PTPRM: variants seen among roughly 807,000 people sequenced by gnomAD.
The protein encoded by PTPRM is protein tyrosine phosphatase receptor type M, also known as receptor-type tyrosine-protein phosphatase mu.
PTPRM carries 47 observed loss-of-function variants against 186.7 expected under a neutral mutation model. The observed-to-expected ratio is 0.25, with a 90% CI of 0.20 to 0.32. The LOEUF (loss-of-function observed/expected upper bound fraction) is 0.32, where lower values mean the gene tolerates loss of function less well. Among genes scored for constraint, PTPRM ranks in the 10% least tolerant of loss-of-function variants. The pLI, the probability that PTPRM is intolerant of heterozygous loss-of-function variation, is 1.00. For missense variants in PTPRM, 1,494 were observed against 1,865.0 expected, an observed-to-expected ratio of 0.80 and a Z score of 3.66; for synonymous variants, 668 against 674.9, an observed-to-expected ratio of 0.99 and a Z score of 0.16.
At chr18:7,855,195 T>C (rs190514283) in intron 2 of PTPRM, among the ~76,000 whole-genome samples, 5 of 152,266 alleles carry the variant, frequency 3.3e-5, no homozygotes, top group African/African-American at 7.2e-5. Flanking sequence ...ACATTGTTAT[T>C]ATTAGAATGC....
chr18:7,788,168 A>G (rs1027083728), intron 2 of PTPRM, among the ~76,000 whole-genome samples: 2 of 152,222 alleles, frequency 1.3e-5, no homozygotes, highest in African/African-American at 4.8e-5. Flanking sequence ...AAGCATTGCA[A>G]AAGACTATCC....
intron 2 of PTPRM, among the ~76,000 whole-genome samples, chr18:7,853,829 TA>T: frequency 6.6e-6 from 1 of 152,338 alleles, no homozygotes; most frequent in African/African-American, 2.4e-5. Context: ...CAGTTTTTTC[TA>T]ATCAGGTTTA....
intron 32 of PTPRM, chr18:8,405,096 G>A (rs1166385887): frequency 6.6e-6 from 1 of 151,596 alleles, no homozygotes; most frequent in African/African-American, 2.4e-5. Context: ...CCAAGAGTTC[G>A]AGGCTGTGTT....
At chr18:7,615,096 A>G (rs2037770376) in intron 1 of PTPRM, among the ~76,000 whole-genome samples, 1 of 152,012 alleles carries the variant, frequency 6.6e-6, no homozygotes, top group Non-Finnish European at 1.5e-5. Context: ...GAGAATTTTT[A>G]GGAAGGTTCT....
chr18:7,843,376 A>G (rs1053246408), intron 2 of PTPRM, among the ~76,000 whole-genome samples: 2 of 152,174 alleles, frequency 1.3e-5, no homozygotes, highest in African/African-American at 2.4e-5. Flanking sequence ...TTGTATCACT[A>G]TTACAGGGGA....
At chr18:7,733,830 C>A (rs2040711985) in intron 1 of PTPRM, among the ~76,000 whole-genome samples, 3 of 152,204 alleles carry the variant, frequency 2.0e-5, no homozygotes. Flanking sequence ...TCCCCCAGTG[C>A]ATGTGGGCCT....
intron 9 of PTPRM, 114 bp downstream of exon 9, chr18:8,076,678 T>C: frequency 5.3e-6 from 3 of 566,806 alleles, no homozygotes; most frequent in Middle Eastern, 4.5e-4. Flanking sequence ...AGAAGTTTAA[T>C]GCTTTCAGTA....
chr18:8,293,532 C>CA (rs71165779), intron 19 of PTPRM, among the ~76,000 whole-genome samples: 44,756 of 152,010 alleles, frequency 0.29, 7,297 homozygotes, highest in Middle Eastern at 0.4. Context: ...CATCTTCCTA[C>CA]AAAAAACAAA....
At chr18:7,884,579 C>T (rs879277926) in intron 2 of PTPRM, among the ~76,000 whole-genome samples, 5 of 152,034 alleles carry the variant, frequency 3.3e-5, no homozygotes, top group African/African-American at 7.2e-5. Flanking sequence ...AAGCCCTGCC[C>T]CTGCACTTGA....
At chr18:7,587,758 A>C (rs544814415) in intron 1 of PTPRM, among the ~76,000 whole-genome samples, 12 of 152,292 alleles carry the variant, frequency 7.9e-5, no homozygotes, top group Admixed American at 4.6e-4. Flanking sequence ...ACCCAAACCC[A>C]CATATGTATA....
At chr18:8,108,620 A>G (rs906315307) in intron 11 of PTPRM, among the ~76,000 whole-genome samples, 1 of 152,228 alleles carries the variant, frequency 6.6e-6, no homozygotes, top group African/African-American at 2.4e-5. Context: ...AGTAGATGAA[A>G]GATGTTCAGA....
At position 8,151,065 on chromosome 18, in the gene PTPRM, G is replaced by A. The variant is rs371325629; in HGVS notation, c.2300+7286G>A. 3.8e-3 allele frequency among the ~76,000 whole-genome samples: 574 copies of A among 152,182 alleles called. 4 individuals are homozygous for A. Among genetic ancestry groups the A allele is most frequent in the African/African-American group, 0.013 (530 of 41,518 alleles). ...AGCTCTCCTGTATGAGGTGTCTGTC[G>A]GCCCCTACTGGGAGGTGTCTCCTAG... On this transcript the variant is annotated intron_variant, in intron 14 of 32. Coordinates refer to ENST00000580170, the MANE Select transcript of PTPRM (RefSeq NM_001105244.2).
chr18:8,187,191 C>T (rs188358710), intron 14 of PTPRM, among the ~76,000 whole-genome samples: 6 of 152,276 alleles, frequency 3.9e-5, no homozygotes, highest in African/African-American at 9.6e-5. Context: ...CCACCCTCCT[C>T]GGCCTTTCAA....
chr18:8,177,075 G>T (rs1448835802), intron 14 of PTPRM, among the ~76,000 whole-genome samples: 4 of 152,038 alleles, frequency 2.6e-5, no homozygotes, highest in African/African-American at 9.7e-5. Flanking sequence ...CTGCCTTTCT[G>T]AGGGGATGTG....
intron 7 of PTPRM, among the ~76,000 whole-genome samples, chr18:8,056,876 G>A (rs911842321): frequency 6.6e-6 from 1 of 151,938 alleles, no homozygotes; most frequent in African/African-American, 2.4e-5. Context: ...CATGCACTAA[G>A]GGAAACTGGC....
chr18:8,257,032 G>A (rs1013894447), intron 19 of PTPRM, among the ~76,000 whole-genome samples: 12 of 152,216 alleles, frequency 7.9e-5, no homozygotes, highest in African/African-American at 2.9e-4. Context: ...TGGGGAAGCT[G>A]ACAGGGCAGG....
At chr18:7,609,751 G>C (rs1242861629) in intron 1 of PTPRM, among the ~76,000 whole-genome samples, 1 of 152,066 alleles carries the variant, frequency 6.6e-6, no homozygotes, top group Non-Finnish European at 1.5e-5. Flanking sequence ...TCTGATTACT[G>C]CCCAGGGATG....
At chr18:7,953,299 C>G (rs202011220) in intron 6 of PTPRM, among the ~76,000 whole-genome samples, 1 of 152,230 alleles carries the variant, frequency 6.6e-6, no homozygotes, top group East Asian at 1.9e-4. Context: ...GTTCAACAAC[C>G]CTTGCTAGCA....
rs1326746999 is a variant in PTPRM, at chr18:7,898,313, A to G, written c.469-8192A>G. 9.8e-5 allele frequency among the ~76,000 whole-genome samples: 15 copies of G among 152,292 alleles called. No homozygotes were observed. In the East Asian group the frequency reaches 2.9e-3, roughly 29 times the overall value. ...CCCCTTTGTTCTAGGGAACTGACTA[A>G]TGACTTCCACCAGCACATTTTCCTT... is the stretch of plus-strand genomic sequence containing the variant. On this transcript the variant is annotated intron_variant, in intron 3 of 32. Coordinates refer to ENST00000580170, the MANE Select transcript of PTPRM (RefSeq NM_001105244.2).
Sources: allele counts gnomAD v4.1 joint callset (sites outside exome capture counted in the v4.1 genomes callset), GRCh38; gene constraint gnomAD v4.1.1; transcripts MANE v1.5; gene names NCBI Gene and HGNC (gene_info 2026-07-23, HGNC 2026-07-21).